Variants in YWHAE observed in about 807,000 individuals in gnomAD.
YWHAE encodes 14-3-3 protein epsilon.
Under a neutral mutation model 30.1 loss-of-function variants are expected in YWHAE, and 4 were observed. The ratio of observed to expected loss-of-function variants is 0.13; its 90% confidence interval spans 0.07 to 0.30. The LOEUF (loss-of-function observed/expected upper bound fraction) is 0.30. Among genes scored for constraint, YWHAE ranks in the 10% least tolerant of loss-of-function variants. The pLI, the probability that YWHAE is intolerant of heterozygous loss-of-function variation, is 1.00. For synonymous variants in YWHAE, 118 were observed against 111.8 expected (o/e 1.06, Z -0.35); for missense variants, 121 against 315.9 (o/e 0.38, Z 4.68).
intron 1 of YWHAE, among the ~76,000 whole-genome samples, chr17:1,367,268 A>G (rs7208041): frequency 0.25 from 38,695 of 152,112 alleles, 5,984 homozygotes; most frequent in African/African-American, 0.43. Context: ...GTATAAGCAC[A>G]CTGATGTTCA....
chr17:1,384,371 C>G (rs760875877), intron 1 of YWHAE, among the ~76,000 whole-genome samples: 34 of 151,654 alleles, frequency 2.2e-4, no homozygotes, highest in Non-Finnish European at 4.0e-4. Context: ...GACCACATCT[C>G]AAAACATTAA....
intron 1 of YWHAE, chr17:1,399,016 C>G (rs1467009015): frequency 6.6e-6 from 1 of 152,200 alleles, no homozygotes; most frequent in Non-Finnish European, 1.5e-5. Context: ...GCATTCCGAG[C>G]CTGCAGAGTC....
chr17:1,382,167 G>A (rs1415421076), intron 1 of YWHAE, among the ~76,000 whole-genome samples: 4 of 151,628 alleles, frequency 2.6e-5, no homozygotes, highest in Non-Finnish European at 4.4e-5. Context: ...TCCTGCCTCA[G>A]CCTCCCATGT....
chr17:1,352,406 G>C (rs996835284), intron 5 of YWHAE, among the ~76,000 whole-genome samples: 8 of 152,128 alleles, frequency 5.3e-5, no homozygotes, highest in Admixed American at 3.3e-4. Context: ...ACTTTCAGAA[G>C]CATTTTCAAA....
intron 1 of YWHAE, among the ~76,000 whole-genome samples, chr17:1,386,471 T>C (rs1286250004): frequency 6.6e-6 from 1 of 152,234 alleles, no homozygotes; most frequent in Non-Finnish European, 1.5e-5. Flanking sequence ...GTCTAAAGTG[T>C]CTAGAACAGT....
At chr17:1,379,787 T>C (rs1473623391) in intron 1 of YWHAE, among the ~76,000 whole-genome samples, 2 of 152,232 alleles carry the variant, frequency 1.3e-5, no homozygotes, top group East Asian at 3.8e-4. Context: ...GAAACACTCC[T>C]GGAACTTGTT....
intron 2 of YWHAE, among the ~76,000 whole-genome samples, chr17:1,363,577 T>C (rs1379441459): frequency 6.6e-6 from 1 of 152,200 alleles, no homozygotes; most frequent in Non-Finnish European, 1.5e-5. Context: ...AGCTCACAAC[T>C]TTCTATGTGA....
chr17:1,379,887 G>C (rs1450589167), intron 1 of YWHAE, among the ~76,000 whole-genome samples: 1 of 152,194 alleles, frequency 6.6e-6, no homozygotes, highest in South Asian at 2.1e-4. Flanking sequence ...TACGGTGAAA[G>C]AACCAGAATG....
At chr17:1,383,210 CATG>C (rs1173692228) in intron 1 of YWHAE, among the ~76,000 whole-genome samples, 1 of 150,846 alleles carries the variant, frequency 6.6e-6, no homozygotes, top group Non-Finnish European at 1.5e-5. Context: ...ATTAGACAGG[CATG>C]GTGGCGCATG....
chr17:1,377,962 T>C (rs1242950816), intron 1 of YWHAE, among the ~76,000 whole-genome samples: 2 of 152,086 alleles, frequency 1.3e-5, no homozygotes, highest in Non-Finnish European at 2.9e-5. Flanking sequence ...GGCAGGAGAA[T>C]TGCTTGAACC....
In YWHAE at chr17:1,355,180, G is replaced by A. The variant is rs565201638; in HGVS notation, c.579-833C>T. Reference sequence around the variant, plus strand: ...TTTTTTTTTTTTTTTTTTGGGGGACGGGGTCTCGCTCTATCACCCAGGCTG... The same window carrying A: ...TTTTTTTTTTTTTTTTTTGGGGGACAGGGTCTCGCTCTATCACCCAGGCTG... On this transcript the variant is annotated intron_variant, in intron 4 of 5. Transcript: ENST00000264335. 2.0e-3 allele frequency among the ~76,000 whole-genome samples: 242 copies of A among 122,916 alleles called. 1 individual carries two copies. The highest frequency in any genetic ancestry group is 5.9e-3 in the African/African-American group (195 of 32,810). The allele number at this position is 122,916 out of a possible 152,430, so 80.6% of individuals were successfully genotyped here.
At chr17:1,394,460 A>AAAAAAAAAAAAAAAAAC (rs1555647412) in intron 1 of YWHAE, among the ~76,000 whole-genome samples, 1 of 137,542 alleles carries the variant, frequency 7.3e-6, no homozygotes, top group African/African-American at 2.9e-5. Context: ...AAAAAAAAAA[A>AAAAAAAAAAAAAAAAAC]ACACAAAAAT....
At chr17:1,397,299 G>A (rs138798062) in intron 1 of YWHAE, among the ~76,000 whole-genome samples, 25 of 152,298 alleles carry the variant, frequency 1.6e-4, no homozygotes, top group African/African-American at 5.8e-4. Context: ...TTTCAAAGGA[G>A]GTAAAAACGA....
At chr17:1,347,588 A>G (rs965042808) in intron 5 of YWHAE, among the ~76,000 whole-genome samples, 1 of 152,316 alleles carries the variant, frequency 6.6e-6, no homozygotes, top group African/African-American at 2.4e-5. Context: ...TTAGGGATGA[A>G]AGAACTGATG....
At chr17:1,356,627 C>A (rs1001911402) in intron 4 of YWHAE, among the ~76,000 whole-genome samples, 2 of 152,150 alleles carry the variant, frequency 1.3e-5, no homozygotes. Context: ...TCTTCAGTTA[C>A]GATCCCTATC....
intron 1 of YWHAE, among the ~76,000 whole-genome samples, chr17:1,381,249 T>C (rs1057419857): frequency 6.6e-6 from 1 of 151,982 alleles, no homozygotes; most frequent in African/African-American, 2.4e-5. Flanking sequence ...TGTGGTGGGA[T>C]TACGCCTGTA....
At chr17:1,383,864 C>T (rs143478021) in intron 1 of YWHAE, among the ~76,000 whole-genome samples, 2 of 152,002 alleles carry the variant, frequency 1.3e-5, no homozygotes, top group East Asian at 3.9e-4. Context: ...AGTTCAAGAC[C>T]GGCCTGGGCA....
chr17:1,347,884 A>T (rs2072553004), intron 5 of YWHAE: 1 of 865,434 alleles, frequency 1.2e-6, no homozygotes, highest in Non-Finnish European at 1.4e-6. Context: ...TGTAAGCAAC[A>T]GGACGATCAT....
intron 1 of YWHAE, among the ~76,000 whole-genome samples, chr17:1,395,220 C>G (rs1178686441): frequency 2.0e-5 from 3 of 151,884 alleles, no homozygotes; most frequent in Non-Finnish European, 4.4e-5. Flanking sequence ...TGGTAAAACC[C>G]TGTCTCTACC....
Sources: allele counts gnomAD v4.1 joint callset (sites outside exome capture counted in the v4.1 genomes callset), GRCh38; gene constraint gnomAD v4.1.1; transcripts MANE v1.5; gene names NCBI Gene and HGNC (gene_info 2026-07-23, HGNC 2026-07-21).